LYZL6: variants seen among roughly 807,000 people sequenced by gnomAD.
The protein encoded by LYZL6 is lysozyme-like protein 6.
LYZL6 carries 21 observed loss-of-function variants against 15.0 expected under a neutral mutation model. The ratio of observed to expected loss-of-function variants is 1.40; its 90% CI spans 1.00 to 2.02. The LOEUF is 2.02. Ranked by LOEUF, LYZL6 falls within the 30% of genes most tolerant of loss-of-function variation. The pLI is 0.00. For synonymous variants in LYZL6, 72 were observed against 67.8 expected (o/e 1.06, Z -0.31); for missense variants, 173 against 180.5 (o/e 0.96, Z 0.24).
chr17:35,939,081 C>T lies in LYZL6; in HGVS notation c.139+137G>A, dbSNP rs892209443. On this transcript the variant is annotated intron_variant, in intron 2 of 4. Transcript: ENST00000615905. ...CAGACAATAACTTGAGTGAATACAG[C>T]GTGTTGGGAAAGGCTTTTTTGAAGG... 209 of 939,946 alleles carry T rather than the reference C, an allele frequency of 2.2e-4. No homozygotes were observed. In the Admixed American group the frequency reaches 3.6e-3, roughly 16 times the overall value. 58.2% of individuals were successfully genotyped at this position (939,946 alleles called of 1,614,324 possible).
intron 2 of LYZL6, among the ~76,000 whole-genome samples, chr17:35,938,797 G>A (rs1271926564): frequency 6.6e-6 from 1 of 152,158 alleles, no homozygotes; most frequent in East Asian, 1.9e-4. Flanking sequence ...ACATTTGGGT[G>A]ACCAGGTCCT....
chr17:35,939,200 G>T lies in LYZL6; in HGVS notation c.139+18C>A. ...CTAGCAGAGGAGAAATGGCTGGGGA[G>T]GGGCGGATGGTACTCACAGTCACTC... On this transcript the variant is annotated intron_variant, in intron 2 of 4. Coordinates refer to ENST00000615905, the MANE Select transcript of LYZL6 (RefSeq NM_020426.4). 2 of 1,608,306 alleles carry T rather than the reference G, an allele frequency of 1.2e-6. No individual in the cohort carries two copies. The highest frequency in any genetic ancestry group is 2.2e-5 in the East Asian group (1 of 44,758).
At chr17:35,942,875 C>A in intron 1 of LYZL6, among the ~76,000 whole-genome samples, 1 of 152,122 alleles carries the variant, frequency 6.6e-6, no homozygotes, top group East Asian at 1.9e-4. Context: ...TGGGAATAGA[C>A]ACAGAAACTC....
intron 4 of LYZL6, among the ~76,000 whole-genome samples, chr17:35,936,076 A>T (rs1331305944): frequency 6.6e-6 from 1 of 152,168 alleles, no homozygotes; most frequent in Admixed American, 6.5e-5. Context: ...CAGCCTCCCA[A>T]GGTGCTGGGA....
intron 1 of LYZL6, among the ~76,000 whole-genome samples, chr17:35,943,080 T>C (rs2089436008): frequency 6.6e-6 from 1 of 152,044 alleles, no homozygotes. Context: ...ACCCTGACGT[T>C]TTTACTACCA....
intron 1 of LYZL6, 66 bp downstream of exon 1, chr17:35,943,501 T>A (rs1030785335): frequency 1.3e-5 from 2 of 152,256 alleles, no homozygotes; most frequent in Non-Finnish European, 2.9e-5. Flanking sequence ...TTAAGCCCCC[T>A]CTCAGGGTCC....
chr17:35,936,773 G>C lies in LYZL6; in HGVS notation c.359C>G (p.Ala120Gly). 1.2e-6 allele frequency: 2 copies of C among 1,613,682 alleles called. No individual in the cohort carries two copies. Among genetic ancestry groups the C allele is most frequent in the Non-Finnish European group, 1.7e-6 (2 of 1,179,990 alleles). Residue 120 changes from alanine (A) to glycine (G), a missense_variant, in exon 4 of 5, where the codon GCA (alanine) becomes GGA (glycine). Coordinates refer to ENST00000615905, the MANE Select transcript of LYZL6 (RefSeq NM_020426.4). Reference protein sequence around the residue: ...IHCAKRIVSGARGMNNWVEWR... With the variant: ...IHCAKRIVSGGRGMNNWVEWR... Reference sequence around the variant, plus strand: ...TCCTCACCAGTTGTTCATCCCCCGTGCTCCGGACACAATCCTTTTTGCGCA... The same window carrying C: ...TCCTCACCAGTTGTTCATCCCCCGTCCTCCGGACACAATCCTTTTTGCGCA...
chr17:35,942,749 C>A (rs2089433160), intron 1 of LYZL6, among the ~76,000 whole-genome samples: 1 of 152,224 alleles, frequency 6.6e-6, no homozygotes, highest in Middle Eastern at 3.4e-3. Flanking sequence ...CACACTTATA[C>A]AATGGGCCCC....
chr17:35,937,755 G>T lies in LYZL6; in HGVS notation c.298+3C>A. On this transcript the variant is annotated splice_donor_region_variant and intron_variant, in intron 3 of 4. Coordinates refer to ENST00000615905, the MANE Select transcript of LYZL6 (RefSeq NM_020426.4). ...CTCTCCCACCCTGGGGCCCTGGCCAGACCTTGACAGTCTACGTGGCAAAGG... is the reference window on the plus strand; with the variant it reads ...CTCTCCCACCCTGGGGCCCTGGCCATACCTTGACAGTCTACGTGGCAAAGG... The T allele has an allele frequency of 6.2e-7, 1 of 1,613,980 alleles. No individual in the cohort carries two copies. The highest frequency in any genetic ancestry group is 8.5e-7 in the Non-Finnish European group (1 of 1,179,898).
chr17:35,935,818 T>G (rs1481643976), intron 4 of LYZL6, among the ~76,000 whole-genome samples: 1 of 136,332 alleles, frequency 7.3e-6, no homozygotes, highest in Non-Finnish European at 1.6e-5. Flanking sequence ...AGCCGCCACA[T>G]TTTTTTTTTT....
chr17:35,940,126 G>A lies in LYZL6; in HGVS notation c.-202-568C>T, dbSNP rs118053241. 7.2e-5 allele frequency among the ~76,000 whole-genome samples: 11 copies of A among 152,208 alleles called. No individual in the cohort carries two copies. The East Asian group carries it at 1.9e-3, about 27-fold the overall frequency. ...TGTGCGCGTGTGTGTGTGTTGAATA[G>A]CAAGGGCCCTAGATTCACACTGCCT... On this transcript the variant is annotated intron_variant, in intron 1 of 4. Coordinates refer to ENST00000615905, the MANE Select transcript of LYZL6 (RefSeq NM_020426.4).
intron 2 of LYZL6, among the ~76,000 whole-genome samples, chr17:35,938,906 C>A (rs1457355282): frequency 6.6e-6 from 1 of 152,190 alleles, no homozygotes; most frequent in Non-Finnish European, 1.5e-5. Context: ...CTTTATTCTT[C>A]TTCATAGCAT....
At chr17:35,939,189 AT>A (rs745468904) in intron 2 of LYZL6, 28 bp downstream of exon 2, 46 of 1,604,646 alleles carry the variant, frequency 2.9e-5, no homozygotes, top group Non-Finnish European at 3.8e-5. Flanking sequence ...CAGAGGAGAA[AT>A]GGCTGGGGAG....
intron 4 of LYZL6, among the ~76,000 whole-genome samples, chr17:35,935,944 G>A (rs2089368635): frequency 6.6e-6 from 1 of 151,842 alleles, no homozygotes; most frequent in Non-Finnish European, 1.5e-5. Flanking sequence ...CTCCTGAGTA[G>A]CTGGGACTAC....
At chr17:35,935,916 C>T (rs530355088) in intron 4 of LYZL6, among the ~76,000 whole-genome samples, 2 of 151,878 alleles carry the variant, frequency 1.3e-5, no homozygotes, top group Admixed American at 6.6e-5. Flanking sequence ...CAGGTTCAAG[C>T]GATTCTTCTG....
At position 35,939,531 on chromosome 17, in the gene LYZL6, G is replaced by T. The variant is rs1419641506; in HGVS notation, c.-175C>A. On this transcript the variant is annotated 5_prime_UTR_variant, in exon 2 of 5. Coordinates refer to ENST00000615905, the MANE Select transcript of LYZL6 (RefSeq NM_020426.4). ...CTTTTCTCTTGTTTATTATTTTATA[G>T]ATTTTTATTTATCATGGAAAATTAA... 11 of 483,924 alleles carry T rather than the reference G, an allele frequency of 2.3e-5. No homozygotes were observed. Among genetic ancestry groups the T allele is most frequent in the Non-Finnish European group, 3.9e-5 (11 of 279,140 alleles). 30.0% of individuals were successfully genotyped at this position (483,924 alleles called of 1,614,324 possible).
intron 3 of LYZL6, 84 bp from the exon 4 acceptor site, chr17:35,936,917 C>T (rs1421118482): frequency 5.9e-6 from 7 of 1,186,060 alleles, no homozygotes; most frequent in Non-Finnish European, 8.7e-6. Context: ...CCTGGACAGC[C>T]CTATGCCACC....
chr17:35,938,953 T>C (rs1483192555), intron 2 of LYZL6, among the ~76,000 whole-genome samples: 1 of 152,228 alleles, frequency 6.6e-6, no homozygotes, highest in Non-Finnish European at 1.5e-5. Flanking sequence ...AGTGTGTTTG[T>C]TGCTGCTCTC....
In LYZL6 at chr17:35,936,981, C is replaced by G. The variant is rs1307472617; in HGVS notation, c.299-148G>C. On this transcript the variant is annotated intron_variant, in intron 3 of 4. Transcript: ENST00000615905. ...TCTCCCAGGGGGCCCATTTAGACAT[C>G]CCTACAATGGCTGCTAGAGGTTCGA... 10 of 672,362 alleles carry G rather than the reference C, an allele frequency of 1.5e-5. No individual in the cohort carries two copies. The East Asian group carries it at 2.4e-4, about 16-fold the overall frequency. 41.6% of individuals were successfully genotyped at this position (672,362 alleles called of 1,614,324 possible). A position where few individuals can be genotyped will look rare whatever the true frequency, so the allele number is the denominator to read the frequency against.
Sources: gnomAD v4.1 joint callset for allele counts (sites outside exome capture counted in the v4.1 genomes callset) on GRCh38, gnomAD v4.1.1 for gene constraint, MANE v1.5 for transcripts, NCBI Gene and HGNC (gene_info 2026-07-23, HGNC 2026-07-21) for gene names.